The following LCOR variants were observed in gnomAD, a reference collection of about 807,000 sequenced individuals.
LCOR encodes the protein ligand-dependent corepressor.
LCOR carries 14 observed loss-of-function variants against 64.4 expected under a neutral mutation model. The observed-to-expected ratio is 0.22, with a 90% CI of 0.14 to 0.34. The LOEUF is 0.34. Among genes scored for constraint, LCOR ranks in the 10% least tolerant of loss-of-function variants. LCOR has a pLI of 1.00. For missense variants in LCOR, 1,686 were observed against 1,765.3 expected (o/e 0.96, Z 0.80); for synonymous variants, 643 against 642.5 (o/e 1.00, Z -0.01).
intron 4 of LCOR, among the ~76,000 whole-genome samples, chr10:96,939,152 T>G (rs1381193624): frequency 6.6e-6 from 1 of 152,200 alleles, no homozygotes; most frequent in Non-Finnish European, 1.5e-5. Flanking sequence ...GATGCTGGCT[T>G]GAGGATAGAT....
chr10:96,885,420 T>C (rs751981746), intron 2 of LCOR, among the ~76,000 whole-genome samples: 17 of 152,084 alleles, frequency 1.1e-4, no homozygotes, highest in Admixed American at 3.3e-4. Context: ...TTCACTCTGT[T>C]TCCCAGGCTG....
intron 2 of LCOR, among the ~76,000 whole-genome samples, chr10:96,840,887 C>T (rs1009073080): frequency 1.3e-5 from 2 of 152,210 alleles, no homozygotes; most frequent in Non-Finnish European, 2.9e-5. Flanking sequence ...CCTGTAATTC[C>T]AGCACACTGG....
At chr10:96,955,862 G>T (rs1226066844) in intron 7 of LCOR, 1 of 1,614,212 alleles carries the variant, frequency 6.2e-7, no homozygotes, top group Admixed American at 1.7e-5. Context: ...TTTCTGTAAA[G>T]ATTGAATTAG....
chr10:96,983,495 C>G lies in LCOR; in HGVS notation c.3035C>G (p.Ser1012Cys), dbSNP rs1848114209. Residue 1012 changes from serine to cysteine, a missense_variant, in exon 8 of 8, where the codon TCT becomes TGT. Ser to Cys is a moderately radical substitution (Grantham distance 112). Around this residue, in one of 3 missense-constraint regions of LCOR, gnomAD observed 1,293 missense variants for 1,410.4 expected, o/e 0.92. Coordinates refer to ENST00000421806, the MANE Select transcript of LCOR (RefSeq NM_001346516.2). This position sits in a 1 kb window ranked among gnomAD's most constrained non-coding sequence, Gnocchi z 4.5. The part of the protein sequence containing the change: ...KDDESDAPCS[S>C]LGLSSSGSGD... ...GATGAGAGTGATGCCCCATGCAGCT[C>G]TCTTGGGTTGTCGAGTAGTGGAAGT... is the stretch of plus-strand genomic sequence containing the variant. The G allele has an allele frequency of 1.9e-6, 3 of 1,614,110 alleles. No individual in the cohort carries two copies. The highest frequency in any genetic ancestry group is 8.5e-7 in the Non-Finnish European group (1 of 1,180,030).
At position 96,989,696 on chromosome 10, in the gene LCOR, T is replaced by TATATATATA. The variant is rs1491204310; in HGVS notation, c.*4562_*4563insATATATATA. 448 of 64,278 alleles carry TATATATATA rather than the reference T, an allele frequency of 7.0e-3. 1 individual carries two copies. Among genetic ancestry groups the TATATATATA allele is most frequent in the African/African-American group, 0.011 (100 of 8,962 alleles). 4.0% of individuals were successfully genotyped at this position (64,278 alleles called of 1,614,324 possible). On this transcript the variant is annotated 3_prime_UTR_variant, in exon 8 of 8. Transcript: ENST00000421806. Reference sequence around the variant, plus strand: ...AAGGATATATATATATATATATATATTTTTTTTTTTTTTTTTTTTTTTTAA... The same window carrying TATATATATA: ...AAGGATATATATATATATATATATATATATATATATTTTTTTTTTTTTTTTTTTTTTTAA...
chr10:96,922,491 C>T (rs1847097878), intron 4 of LCOR, among the ~76,000 whole-genome samples: 2 of 152,082 alleles, frequency 1.3e-5, no homozygotes, highest in Non-Finnish European at 2.9e-5. Context: ...ATGCGATTGC[C>T]TCAAATATGC....
At chr10:96,956,353 A>G (rs1454673674) in intron 7 of LCOR, 7 of 986,750 alleles carry the variant, frequency 7.1e-6, no homozygotes, top group African/African-American at 1.8e-5. Context: ...TATCACTGCA[A>G]ATTGGAAAGC....
rs1382749947 is a variant in LCOR, at chr10:96,982,977, C to T, written c.2517C>T (p.Ser839=). The change falls in exon 8 of 8, where the codon TCC becomes TCT. Residue 839 remains serine (S), a synonymous_variant. Transcript: ENST00000421806. ...RCLRNQSSDS[S]SACLEIKVPK... is the part of the protein sequence containing the mutation. ...TAAGAAATCAGAGTTCAGATTCTTC[C>T]TCAGCTTGTCTTGAAATCAAAGTTC... 1 of 1,612,842 alleles carries T rather than the reference C, an allele frequency of 6.2e-7. No homozygotes were observed. Among genetic ancestry groups the T allele is most frequent in the Non-Finnish European group, 8.5e-7 (1 of 1,179,714 alleles).
In LCOR at chr10:96,984,574, C is replaced by T. The variant is rs766290968; in HGVS notation, c.4114C>T (p.Pro1372Ser). The T allele has an allele frequency of 1.2e-6, 2 of 1,614,152 alleles. No individual in the cohort carries two copies. Among genetic ancestry groups the T allele is most frequent in the Non-Finnish European group, 1.7e-6 (2 of 1,180,036 alleles). ...QVDADGFPVKPKSTEGMKGRK... is the reference protein window; with the variant it reads ...QVDADGFPVKSKSTEGMKGRK... The stretch of plus-strand genomic sequence containing the variant: ...GGATGCAGATGGGTTTCCTGTTAAG[C>T]CCAAGAGTACTGAAGGAATGAAGGG... Residue 1372 changes from proline to serine, a missense_variant, in exon 8 of 8, where the codon CCC becomes TCC. Physicochemically the swap from Pro to Ser is moderately conservative, Grantham distance 74. Transcript: ENST00000421806.
At chr10:96,976,538 G>A (rs1160970919) in intron 7 of LCOR, among the ~76,000 whole-genome samples, 1 of 152,206 alleles carries the variant, frequency 6.6e-6, no homozygotes, top group African/African-American at 2.4e-5. Flanking sequence ...CATGGTTGTT[G>A]CTTCAGGGCT....
intron 2 of LCOR, among the ~76,000 whole-genome samples, chr10:96,844,290 A>G (rs975791211): frequency 4.6e-5 from 7 of 151,638 alleles, no homozygotes; most frequent in South Asian, 2.1e-4. Flanking sequence ...AGCTGGGACT[A>G]TGGGTATACT....
chr10:96,896,225 G>GGGAT (rs1846534258), intron 2 of LCOR, among the ~76,000 whole-genome samples: 1 of 152,116 alleles, frequency 6.6e-6, no homozygotes, highest in Non-Finnish European at 1.5e-5. Context: ...GGGTTGAGGA[G>GGGAT]GGATCTCACT....
Position 96,990,424 on chromosome 10 carries a change from G to C in LCOR, c.*5290G>C, listed in dbSNP as rs1486024889. ...TTTTTTCCAGTTTTAGCAGAAATGA[G>C]GTCTCACTGTGTTGCCCAGACTGGG... On this transcript the variant is annotated 3_prime_UTR_variant, in exon 8 of 8. Coordinates refer to ENST00000421806, the MANE Select transcript of LCOR (RefSeq NM_001346516.2). 3 of 151,774 alleles carry C rather than the reference G, an allele frequency of 2.0e-5. No homozygotes were observed. Among genetic ancestry groups the C allele is most frequent in the African/African-American group, 7.3e-5 (3 of 41,250 alleles). The allele number at this position is 151,774 out of a possible 1,614,324, so 9.4% of individuals were successfully genotyped here.
chr10:96,947,757 A>G (rs1344968026), intron 5 of LCOR, among the ~76,000 whole-genome samples: 5 of 151,668 alleles, frequency 3.3e-5, no homozygotes, highest in Non-Finnish European at 7.4e-5. Flanking sequence ...TTAAAGGACT[A>G]TTTCATGTTG....
intron 2 of LCOR, among the ~76,000 whole-genome samples, chr10:96,876,974 C>T (rs1440582296): frequency 6.6e-6 from 1 of 152,062 alleles, no homozygotes. Context: ...GGATTACAGG[C>T]GTGAGCCACT....
intron 7 of LCOR, chr10:96,957,014 C>G (rs533457285): frequency 1.0e-6 from 1 of 985,054 alleles, no homozygotes; most frequent in African/African-American, 1.7e-5. Context: ...AATGAAGGAT[C>G]CATGTTTGTA....
intron 2 of LCOR, among the ~76,000 whole-genome samples, chr10:96,893,705 G>T (rs1846487093): frequency 6.6e-6 from 1 of 150,628 alleles, no homozygotes; most frequent in Non-Finnish European, 1.5e-5. Flanking sequence ...GGAGGTTGCA[G>T]TAAGCCAAGA....
chr10:96,835,683 C>T (rs974342422), intron 2 of LCOR, among the ~76,000 whole-genome samples: 4 of 152,090 alleles, frequency 2.6e-5, no homozygotes, highest in African/African-American at 9.7e-5. Flanking sequence ...ACTTTAGGGT[C>T]ATTTGGTTTC....
intron 2 of LCOR, among the ~76,000 whole-genome samples, chr10:96,904,521 G>C (rs1846694630): frequency 6.6e-6 from 1 of 152,204 alleles, no homozygotes; most frequent in Admixed American, 6.5e-5. Context: ...TGAAGACATG[G>C]TGCAGGTTGC....
Sources: allele counts gnomAD v4.1 joint callset (sites outside exome capture counted in the v4.1 genomes callset), GRCh38; gene constraint gnomAD v4.1.1; regional missense constraint gnomAD v4.1.1; non-coding constraint Gnocchi (gnomAD v3.1); transcripts MANE v1.5; gene names NCBI Gene and HGNC (gene_info 2026-07-23, HGNC 2026-07-21).